The following EGLN1 variants were observed in gnomAD, a reference collection of about 807,000 sequenced individuals.
The protein encoded by EGLN1 is egl nine homolog 1.
EGLN1 carries 17 observed loss-of-function variants against 38.3 expected under a neutral mutation model. The observed-to-expected ratio is 0.44, with a 90% CI of 0.30 to 0.67. The LOEUF (loss-of-function observed/expected upper bound fraction) is 0.67, where lower values mean the gene tolerates loss of function less well. Among genes scored for constraint, EGLN1 ranks in the 30% least tolerant of loss-of-function variants. The pLI, the probability that EGLN1 is intolerant of heterozygous loss-of-function variation, is 0.08. For missense variants in EGLN1, 477 were observed against 603.3 expected, an observed-to-expected ratio of 0.79 and a Z score of 2.19; for synonymous variants, 283 against 257.5, an observed-to-expected ratio of 1.10 and a Z score of -0.95.
chr1:231,418,065 C>T lies in EGLN1; in HGVS notation c.891+2933G>A, dbSNP rs12092402. Among the ~76,000 whole-genome samples, 1,045 of 151,550 alleles carry T rather than the reference C, an allele frequency of 6.9e-3. 17 individuals are homozygous for T. The highest frequency in any genetic ancestry group is 0.023 in the African/African-American group (938 of 41,222). On this transcript the variant is annotated intron_variant, in intron 1 of 4. Coordinates refer to ENST00000366641, the MANE Select transcript of EGLN1 (RefSeq NM_022051.3). ...GAAAGTTGAAATGAGAAAAATACTACACATTTGCTGCATATAACTTTTAAA... is the reference window on the plus strand; with the variant it reads ...GAAAGTTGAAATGAGAAAAATACTATACATTTGCTGCATATAACTTTTAAA...
intron 1 of EGLN1, among the ~76,000 whole-genome samples, chr1:231,399,436 T>A (rs946862253): frequency 6.6e-6 from 1 of 152,010 alleles, no homozygotes; most frequent in African/African-American, 2.4e-5. Context: ...TAGAGAAGAA[T>A]GTTGACACCA....
chr1:231,421,957 C>A lies in EGLN1; in HGVS notation c.-69G>T. On this transcript the variant is annotated 5_prime_UTR_variant, in exon 1 of 5. Coordinates refer to ENST00000366641, the MANE Select transcript of EGLN1 (RefSeq NM_022051.3). The surrounding 1 kb of genome is among the most constrained non-coding windows in gnomAD (Gnocchi z 5.5). Reference sequence around the variant, plus strand: ...GAGGGGTAGCGGCCGGACGGCCTCGCCCGAGGCTGGGGAGCGGGGAGAGAG... The same window carrying A: ...GAGGGGTAGCGGCCGGACGGCCTCGACCGAGGCTGGGGAGCGGGGAGAGAG... The A allele has an allele frequency of 7.5e-7, 1 of 1,326,956 alleles. No individual in the cohort carries two copies. Among genetic ancestry groups the A allele is most frequent in the Non-Finnish European group, 9.5e-7 (1 of 1,047,746 alleles). 82.2% of individuals were successfully genotyped at this position (1,326,956 alleles called of 1,614,324 possible).
chr1:231,421,402 A>ACAG lies in EGLN1; in HGVS notation c.484_486dup (p.Leu162dup). ...TCCCCGGGCGTGTTGCTTGGGGGGT[A>ACAG]CAGGTTCGCCTTCTCCTGGAACAGC... On this transcript the variant is annotated inframe_insertion, in exon 1 of 5. Coordinates refer to ENST00000366641, the MANE Select transcript of EGLN1 (RefSeq NM_022051.3). This position sits in a 1 kb window ranked among gnomAD's most constrained non-coding sequence, Gnocchi z 5.5. 6.2e-7 allele frequency: 1 copy of ACAG among 1,600,040 alleles called. No homozygotes were observed. Among genetic ancestry groups the ACAG allele is most frequent in the Non-Finnish European group, 8.5e-7 (1 of 1,171,638 alleles).
At position 231,388,828 on chromosome 1, in the gene EGLN1, T is replaced by A. The variant is rs928826203; in HGVS notation, c.892-14729A>T. On this transcript the variant is annotated intron_variant, in intron 1 of 4. Coordinates refer to ENST00000366641, the MANE Select transcript of EGLN1 (RefSeq NM_022051.3). Reference sequence around the variant, plus strand: ...CACCACCACGCCCAGCTAATTTTTATATTTTTAATAGAGACAGGATTTCAC... The same window carrying A: ...CACCACCACGCCCAGCTAATTTTTAAATTTTTAATAGAGACAGGATTTCAC... Among the ~76,000 whole-genome samples, 5 of 152,098 alleles carry A rather than the reference T, an allele frequency of 3.3e-5. No homozygotes were observed. In the South Asian group the frequency reaches 8.3e-4, roughly 25 times the overall value.
intron 2 of EGLN1, among the ~76,000 whole-genome samples, chr1:231,373,587 C>T (rs1488935263): frequency 1.3e-5 from 2 of 151,970 alleles, no homozygotes; most frequent in Non-Finnish European, 2.9e-5. Flanking sequence ...TGGATATATA[C>T]GCACACCCTC....
intron 1 of EGLN1, among the ~76,000 whole-genome samples, chr1:231,418,324 G>C (rs931735431): frequency 1.3e-5 from 2 of 152,188 alleles, no homozygotes. Flanking sequence ...TAAAGCTAGT[G>C]CTATTCACCC....
chr1:231,414,870 G>C (rs1285166796), intron 1 of EGLN1, among the ~76,000 whole-genome samples: 1 of 151,704 alleles, frequency 6.6e-6, no homozygotes, highest in African/African-American at 2.4e-5. Flanking sequence ...CAAGAAGCTG[G>C]GACTACAGAC....
At chr1:231,377,078 T>C (rs530734211) in intron 1 of EGLN1, among the ~76,000 whole-genome samples, 1 of 152,286 alleles carries the variant, frequency 6.6e-6, no homozygotes, top group East Asian at 1.9e-4. Flanking sequence ...CAGTTTCAAG[T>C]CTGTATGAAT....
At chr1:231,383,057 C>CAAAAAAAAAAA (rs547747077) in intron 1 of EGLN1, among the ~76,000 whole-genome samples, 14 of 70,548 alleles carry the variant, frequency 2.0e-4, no homozygotes, top group African/African-American at 8.2e-4. Flanking sequence ...AACTCTGTCT[C>CAAAAAAAAAAA]AAAAAAAAAA....
intron 1 of EGLN1, among the ~76,000 whole-genome samples, chr1:231,378,398 TAAACA>T (rs925692122): frequency 2.6e-5 from 4 of 152,200 alleles, no homozygotes; most frequent in Non-Finnish European, 4.4e-5. Context: ...TATTTATACA[TAAACA>T]AAACAAAACA....
chr1:231,385,881 C>T (rs1420142653), intron 1 of EGLN1, among the ~76,000 whole-genome samples: 3 of 152,136 alleles, frequency 2.0e-5, no homozygotes, highest in African/African-American at 4.8e-5. Context: ...TCCTGAGACA[C>T]GGTCTTGCTC....
intron 1 of EGLN1, among the ~76,000 whole-genome samples, chr1:231,412,343 T>C (rs1688975880): frequency 6.6e-6 from 1 of 152,232 alleles, no homozygotes; most frequent in African/African-American, 2.4e-5. Context: ...TCTGTAACAG[T>C]TTTATTTTCA....
intron 1 of EGLN1, among the ~76,000 whole-genome samples, chr1:231,403,323 G>A (rs1486651266): frequency 6.6e-6 from 1 of 152,148 alleles, no homozygotes; most frequent in African/African-American, 2.4e-5. Flanking sequence ...TGAGAAAGAA[G>A]TATTGAAATT....
intron 1 of EGLN1, among the ~76,000 whole-genome samples, chr1:231,405,913 A>G (rs950018056): frequency 6.6e-6 from 1 of 151,980 alleles, no homozygotes; most frequent in Admixed American, 6.5e-5. Flanking sequence ...CCATTATAGA[A>G]ACTATTTTAA....
chr1:231,418,041 A>C (rs7542797), intron 1 of EGLN1, among the ~76,000 whole-genome samples: 24,244 of 152,208 alleles, frequency 0.16, 1,965 homozygotes, highest in Non-Finnish European at 0.18. Context: ...TACTGCTGTG[A>C]AAGTTGAAAT....
Position 231,421,704 on chromosome 1 carries a change from T to C in EGLN1, c.185A>G (p.Glu62Gly). The C allele has an allele frequency of 1.3e-6, 2 of 1,516,554 alleles. No homozygotes were observed. Among genetic ancestry groups the C allele is most frequent in the Non-Finnish European group, 1.8e-6 (2 of 1,138,554 alleles). The allele number at this position is 1,516,554 out of a possible 1,614,324, so 93.9% of individuals were successfully genotyped here. Reference sequence around the variant, plus strand: ...GCCCACTCCGTGGCCGAGGGCGCCCTCGCTGCCCTGGCACACGAGCTTGTG... The same window carrying C: ...GCCCACTCCGTGGCCGAGGGCGCCCCCGCTGCCCTGGCACACGAGCTTGTG... ...KKHKLVCQGS[E>G]GALGHGVGPH... Residue 62 changes from glutamate to glycine, a missense_variant, in exon 1 of 5, where the codon GAG (glutamate) becomes GGG (glycine). This residue lies in a region of EGLN1 where 298 missense variants were observed against 288.9 expected (regional missense o/e 1.03). Coordinates refer to ENST00000366641, the MANE Select transcript of EGLN1 (RefSeq NM_022051.3). The surrounding 1 kb of genome is among the most constrained non-coding windows in gnomAD (Gnocchi z 5.5).
intron 1 of EGLN1, among the ~76,000 whole-genome samples, chr1:231,419,678 T>G (rs1222480267): frequency 6.6e-6 from 1 of 152,224 alleles, no homozygotes; most frequent in South Asian, 2.1e-4. Context: ...TGTTCCTTTT[T>G]AAGACTACAA....
chr1:231,414,113 T>C (rs1240671931), intron 1 of EGLN1, among the ~76,000 whole-genome samples: 1 of 152,030 alleles, frequency 6.6e-6, no homozygotes, highest in African/African-American at 2.4e-5. Flanking sequence ...AAAGACAAGC[T>C]CTGAAAATGG....
At chr1:231,389,626 A>G (rs1042833333) in intron 1 of EGLN1, among the ~76,000 whole-genome samples, 3 of 152,174 alleles carry the variant, frequency 2.0e-5, no homozygotes, top group Admixed American at 6.5e-5. Flanking sequence ...GAGAGCATGA[A>G]GTAAAAGGAA....
Sources: allele counts gnomAD v4.1 joint callset (sites outside exome capture counted in the v4.1 genomes callset), GRCh38; gene constraint gnomAD v4.1.1; regional missense constraint gnomAD v4.1.1; non-coding constraint Gnocchi (gnomAD v3.1); transcripts MANE v1.5; gene names NCBI Gene and HGNC (gene_info 2026-07-23, HGNC 2026-07-21).